RBFOX1: variants seen among roughly 807,000 people sequenced by gnomAD.
RBFOX1 encodes the protein RNA binding fox-1 homolog 1.
In RBFOX1, 8 loss-of-function variants were observed where a neutral mutation model predicts 57.7. The ratio of observed to expected loss-of-function variants is 0.14; its 90% CI spans 0.08 to 0.25. The LOEUF (loss-of-function observed/expected upper bound fraction) is 0.25. Ranked by LOEUF, RBFOX1 falls within the 10% of genes least tolerant of loss-of-function variation. The pLI, the probability that RBFOX1 is intolerant of heterozygous loss-of-function variation, is 1.00. For synonymous variants in RBFOX1, 326 were observed against 222.4 expected (o/e 1.47, Z -4.15); for missense variants, 611 against 548.5 (o/e 1.11, Z -1.14).
Position 6,172,493 on chromosome 16 carries a change from G to T in RBFOX1, c.-126-144502G>T, listed in dbSNP as rs1480367657. 2.0e-5 allele frequency among the ~76,000 whole-genome samples: 3 copies of T among 152,206 alleles called. No individual in the cohort carries two copies. The South Asian group carries it at 6.2e-4, about 32-fold the overall frequency. ...CTGTCAACCAAAAATTGCCCCTGTG[G>T]CCCCCTGTAGTGCCCCTCAACTTCA... On this transcript the variant is annotated intron_variant, in intron 1 of 15. Coordinates refer to ENST00000550418, the MANE Select transcript of RBFOX1 (RefSeq NM_018723.4).
intron 1 of RBFOX1, among the ~76,000 whole-genome samples, chr16:6,069,406 A>AAG (rs1350776340): frequency 4.7e-4 from 71 of 151,708 alleles, no homozygotes; most frequent in African/African-American, 1.6e-3. Flanking sequence ...CTCAAAAAAA[A>AAG]AAAAAAAAAA....
intron 2 of RBFOX1, among the ~76,000 whole-genome samples, chr16:6,620,408 G>A (rs993896715): frequency 1.3e-5 from 2 of 152,052 alleles, no homozygotes; most frequent in African/African-American, 4.8e-5. Context: ...AGATCTCAAG[G>A]TAACAAGTTA....
intron 3 of RBFOX1, among the ~76,000 whole-genome samples, chr16:5,647,019 C>A (rs2049076943): frequency 6.6e-6 from 1 of 152,144 alleles, no homozygotes; most frequent in Admixed American, 6.5e-5. Flanking sequence ...GGGAAGGATG[C>A]AGATGCCATT....
chr16:5,354,874 T>C (rs991866255), intron 1 of RBFOX1, among the ~76,000 whole-genome samples: 9 of 152,192 alleles, frequency 5.9e-5, no homozygotes, highest in Non-Finnish European at 1.3e-4. Flanking sequence ...TGGAGGGTGT[T>C]GGCTTGGTTC....
chr16:7,248,324 G>A (rs1218330830), intron 4 of RBFOX1, among the ~76,000 whole-genome samples: 1 of 152,188 alleles, frequency 6.6e-6, no homozygotes, highest in Non-Finnish European at 1.5e-5. Flanking sequence ...TGTTCATAAA[G>A]GACCGTGCTG....
chr16:7,007,106 G>A (rs975638406), intron 3 of RBFOX1, among the ~76,000 whole-genome samples: 1 of 152,182 alleles, frequency 6.6e-6, no homozygotes, highest in Admixed American at 6.5e-5. Flanking sequence ...TGGCTGTATG[G>A]ACTGATAAGG....
intron 4 of RBFOX1, among the ~76,000 whole-genome samples, chr16:5,911,500 G>T (rs2058601579): frequency 6.6e-6 from 1 of 152,174 alleles, no homozygotes; most frequent in Non-Finnish European, 1.5e-5. Context: ...CTAACAGAGA[G>T]CTCGGCTGTA....
At chr16:6,829,716 C>G (rs1270549706) in intron 3 of RBFOX1, among the ~76,000 whole-genome samples, 1 of 152,026 alleles carries the variant, frequency 6.6e-6, no homozygotes, top group Non-Finnish European at 1.5e-5. Context: ...ATTCTTCTGT[C>G]TCAGCCTCCT....
chr16:6,516,847 G>A (rs2096389149), intron 2 of RBFOX1, among the ~76,000 whole-genome samples: 1 of 152,134 alleles, frequency 6.6e-6, no homozygotes, highest in Admixed American at 6.6e-5. Context: ...TGTGGAGGAT[G>A]GGCATACAGT....
chr16:6,799,417 G>A (rs1202716282), intron 3 of RBFOX1, among the ~76,000 whole-genome samples: 1 of 152,148 alleles, frequency 6.6e-6, no homozygotes, highest in Non-Finnish European at 1.5e-5. Context: ...TAAGGCGTGA[G>A]TTATTCGCAA....
intron 3 of RBFOX1, among the ~76,000 whole-genome samples, chr16:6,815,111 C>T (rs1449482539): frequency 6.6e-6 from 1 of 152,118 alleles, no homozygotes; most frequent in East Asian, 1.9e-4. Flanking sequence ...CATTTCCGAC[C>T]ATATAGCGTA....
Position 5,636,011 on chromosome 16 carries a change from CT to C in RBFOX1, c.318+37051del, listed in dbSNP as rs759023500. Among the ~76,000 whole-genome samples the C allele has an allele frequency of 1.4e-4, 21 of 151,956 alleles. 1 individual carries two copies. The East Asian group carries it at 1.9e-3, about 14-fold the overall frequency. On this transcript the variant is annotated intron_variant, in intron 3 of 19. Coordinates refer to the RBFOX1 transcript ENST00000641259. ...ATTTCCTGAGGCCAGCAGTTTTAGA[CT>C]AGTCTGGGCAACATAGTGGGACCCT...
intron 1 of RBFOX1, among the ~76,000 whole-genome samples, chr16:6,113,252 C>T (rs570419900): frequency 6.6e-5 from 10 of 152,246 alleles, no homozygotes; most frequent in South Asian, 2.1e-4. Context: ...AGGGTGAGGC[C>T]GATTGCAAAA....
chr16:5,382,995 G>T (rs999702281), intron 1 of RBFOX1, among the ~76,000 whole-genome samples: 5 of 152,208 alleles, frequency 3.3e-5, no homozygotes, highest in Non-Finnish European at 5.9e-5. Context: ...TAGCCATCAA[G>T]AATAAAGTGG....
intron 11 of RBFOX1, among the ~76,000 whole-genome samples, chr16:7,645,775 G>A (rs563241854): frequency 7.6e-4 from 116 of 152,326 alleles, no homozygotes; most frequent in African/African-American, 2.7e-3. Context: ...CTAAACAGCA[G>A]TATTTAATAT....
chr16:6,616,400 G>A (rs2154030346), intron 2 of RBFOX1, among the ~76,000 whole-genome samples: 2 of 150,878 alleles, frequency 1.3e-5, no homozygotes, highest in East Asian at 3.9e-4. Context: ...TTTTTGGCCA[G>A]GCGTGATGGC....
intron 2 of RBFOX1, among the ~76,000 whole-genome samples, chr16:6,633,767 G>A (rs1402029963): frequency 6.6e-6 from 1 of 152,138 alleles, no homozygotes; most frequent in African/African-American, 2.4e-5. Context: ...CTTAGGCTTT[G>A]GGAGGCTGAG....
At chr16:6,503,370 C>T (rs2095995858) in intron 2 of RBFOX1, among the ~76,000 whole-genome samples, 1 of 152,144 alleles carries the variant, frequency 6.6e-6, no homozygotes, top group Non-Finnish European at 1.5e-5. Flanking sequence ...GTTCTTGTAA[C>T]AGTTAGCTTT....
chr16:5,665,817 C>T (rs2049825197), intron 3 of RBFOX1, among the ~76,000 whole-genome samples: 1 of 152,244 alleles, frequency 6.6e-6, no homozygotes, highest in South Asian at 2.1e-4. Flanking sequence ...TACCCACGTG[C>T]TGCTGAGTGG....
Sources: allele counts gnomAD v4.1 joint callset (sites outside exome capture counted in the v4.1 genomes callset), GRCh38; gene constraint gnomAD v4.1.1; transcripts MANE v1.5; gene names NCBI Gene and HGNC (gene_info 2026-07-23, HGNC 2026-07-21).